KAT6A: variants seen among roughly 807,000 people sequenced by gnomAD.
The protein encoded by KAT6A is histone acetyltransferase KAT6A.
KAT6A carries 9 observed loss-of-function variants against 198.4 expected under a neutral mutation model. The ratio of observed to expected loss-of-function variants is 0.05; its 90% CI spans 0.03 to 0.08. The LOEUF is 0.08. KAT6A is among the 10% of genes least tolerant of loss of function. The probability of loss-of-function intolerance (pLI) is 1.00; values close to 1 mark genes in which losing one functional copy is unlikely to be tolerated. For missense variants in KAT6A, 2,077 were observed against 2,509.9 expected (o/e 0.83, Z 3.69); for synonymous variants, 890 against 883.0 (o/e 1.01, Z -0.14).
At position 41,981,961 on chromosome 8, in the gene KAT6A, C is replaced by T. The variant is rs768669265; in HGVS notation, c.710-7G>A. Reference sequence around the variant, plus strand: ...TTTAAACAGGATGGATGGCCTAATACGAGGGAGAACATTCATGAATGAAAC... The same window carrying T: ...TTTAAACAGGATGGATGGCCTAATATGAGGGAGAACATTCATGAATGAAAC... On this transcript the variant is annotated splice_polypyrimidine_tract_variant and splice_region_variant and intron_variant, in intron 3 of 16. Coordinates refer to ENST00000265713, the MANE Select transcript of KAT6A (RefSeq NM_006766.5). The T allele has an allele frequency of 1.5e-5, 22 of 1,492,888 alleles. No homozygotes were observed. The highest frequency in any genetic ancestry group is 6.7e-5 in the Admixed American group (4 of 59,660). 92.5% of individuals were successfully genotyped at this position (1,492,888 alleles called of 1,614,324 possible).
In KAT6A at chr8:41,941,441, C is replaced by T. The variant is rs765560535; in HGVS notation, c.2440G>A (p.Gly814Arg). 5 of 1,578,834 alleles carry T rather than the reference C, an allele frequency of 3.2e-6. No homozygotes were observed. The highest frequency in any genetic ancestry group is 1.9e-5 in the Admixed American group (1 of 53,896). Residue 814 changes from glycine (G) to arginine (R), a missense_variant, in exon 15 of 17, where the codon GGA becomes AGA. Physicochemically the swap from Gly to Arg is moderately radical, Grantham distance 125. Transcript: ENST00000265713. ...TTGTTCTCATGAGACACAGACTTTC[C>T]CACCTGATTTTAGAAAATAAAACAA... ...CQERELEISV[G>R]KSVSHENKEQ...
chr8:41,936,577 T>C (rs144170660), intron 16 of KAT6A, among the ~76,000 whole-genome samples: 48 of 152,360 alleles, frequency 3.2e-4, no homozygotes, highest in African/African-American at 1.1e-3. Flanking sequence ...CTGGCTCATA[T>C]ATATGAGACC....
rs1390617214 is a variant in KAT6A, at chr8:42,048,835, A to G, written c.143T>C (p.Leu48Ser). 1.2e-6 allele frequency: 2 copies of G among 1,614,190 alleles called. No homozygotes were observed. Among genetic ancestry groups the G allele is most frequent in the Non-Finnish European group, 1.7e-6 (2 of 1,180,018 alleles). The change falls in exon 2 of 17, where the codon TTA becomes TCA. Residue 48 changes from leucine to serine, a missense_variant. Around this residue, in one of 13 missense-constraint regions of KAT6A, gnomAD observed 35 missense variants for 76.6 expected, o/e 0.46. Coordinates refer to ENST00000265713, the MANE Select transcript of KAT6A (RefSeq NM_006766.5). ...TTTAACACTCAACTCCAATTGTTCT[A>G]AAACAGTTTTACGATCCAAGCCATG... ...SSHGLDRKTV[L>S]EQLELSVKDG...
intron 12 of KAT6A, among the ~76,000 whole-genome samples, chr8:41,945,618 T>C (rs981943697): frequency 3.3e-5 from 5 of 152,166 alleles, no homozygotes; most frequent in Non-Finnish European, 7.3e-5. Flanking sequence ...ACAATGTTTT[T>C]AGTATTATTA....
intron 8 of KAT6A, among the ~76,000 whole-genome samples, chr8:41,969,762 C>T (rs1207273441): frequency 6.6e-6 from 1 of 152,064 alleles, no homozygotes; most frequent in Non-Finnish European, 1.5e-5. Flanking sequence ...AGTCTATTTC[C>T]CCAGCTTCAC....
At chr8:41,936,599 T>C (rs1463573989) in intron 16 of KAT6A, among the ~76,000 whole-genome samples, 3 of 152,220 alleles carry the variant, frequency 2.0e-5, no homozygotes, top group Non-Finnish European at 4.4e-5. Flanking sequence ...AGTTTCAGTG[T>C]CTCTAGAGAA....
chr8:41,934,645 A>T lies in KAT6A; in HGVS notation c.3575T>A (p.Ile1192Asn), dbSNP rs776467428. 1 of 1,614,020 alleles carries T rather than the reference A, an allele frequency of 6.2e-7. No individual in the cohort carries two copies. The highest frequency in any genetic ancestry group is 8.5e-7 in the Non-Finnish European group (1 of 1,180,040). ...ACGTCCAGCTTTAGGAATGGAAACG[A>T]TGGGCTCAATGACGCATGCTTGAGT... ...VSTQACVIEP[I>N]VSIPKAGRKP... is the part of the protein sequence containing the mutation. The change falls in exon 17 of 17, where the codon ATC (isoleucine) becomes AAC (asparagine). Residue 1192 changes from isoleucine to asparagine, a missense_variant. Around this residue, in one of 13 missense-constraint regions of KAT6A, gnomAD observed 375 missense variants for 383.0 expected, o/e 0.98. Transcript: ENST00000265713.
At chr8:42,025,494 G>A (rs1326566389) in intron 2 of KAT6A, among the ~76,000 whole-genome samples, 4 of 152,154 alleles carry the variant, frequency 2.6e-5, no homozygotes, top group African/African-American at 9.7e-5. Flanking sequence ...GATTACAGGT[G>A]TGAGCCACTG....
chr8:41,942,595 T>C (rs1822194271), intron 14 of KAT6A, 198 bp downstream of exon 14: 1 of 621,192 alleles, frequency 1.6e-6, no homozygotes, highest in African/African-American at 1.8e-5. Flanking sequence ...GGTCTCCTCC[T>C]AATTGTCCAA....
chr8:42,032,011 G>A (rs929055919), intron 2 of KAT6A, among the ~76,000 whole-genome samples: 12 of 149,684 alleles, frequency 8.0e-5, no homozygotes, highest in African/African-American at 3.0e-4. Flanking sequence ...CTCACTGCAA[G>A]CTTCACCTCC....
chr8:42,021,201 TTA>T (rs754257804), intron 2 of KAT6A, among the ~76,000 whole-genome samples: 1 of 152,196 alleles, frequency 6.6e-6, no homozygotes, highest in Non-Finnish European at 1.5e-5. Context: ...ACAAATGGTT[TTA>T]TGTTATCTGT....
intron 3 of KAT6A, among the ~76,000 whole-genome samples, chr8:41,985,003 C>T (rs1412326939): frequency 2.0e-5 from 3 of 151,610 alleles, no homozygotes; most frequent in Admixed American, 6.6e-5. Context: ...AAAAAGTTAC[C>T]GCTACAGTAA....
chr8:41,961,675 C>G (rs1017406913), intron 8 of KAT6A, among the ~76,000 whole-genome samples: 1 of 151,292 alleles, frequency 6.6e-6, no homozygotes, highest in Non-Finnish European at 1.5e-5. Flanking sequence ...ATCCCTTGAA[C>G]CCGGGACGTG....
At chr8:42,007,327 T>C (rs1012429670) in intron 2 of KAT6A, among the ~76,000 whole-genome samples, 26 of 152,236 alleles carry the variant, frequency 1.7e-4, no homozygotes, top group African/African-American at 6.3e-4. Flanking sequence ...GGGAACTGAC[T>C]TAACCTGCCT....
intron 8 of KAT6A, among the ~76,000 whole-genome samples, chr8:41,969,601 C>T (rs1047649407): frequency 3.9e-5 from 6 of 152,190 alleles, no homozygotes; most frequent in Non-Finnish European, 5.9e-5. Context: ...TTCCCAGCTT[C>T]CACTCTTGCT....
chr8:42,025,710 C>T (rs756106160), intron 2 of KAT6A, among the ~76,000 whole-genome samples: 4 of 152,144 alleles, frequency 2.6e-5, no homozygotes, highest in Non-Finnish European at 5.9e-5. Flanking sequence ...CAGGTTGTCT[C>T]TTCATTCTGC....
At chr8:41,971,012 G>C (rs1823764754) in intron 8 of KAT6A, among the ~76,000 whole-genome samples, 1 of 151,436 alleles carries the variant, frequency 6.6e-6, no homozygotes, top group African/African-American at 2.4e-5. Context: ...TCATAGGTGG[G>C]AACTGAACAA....
intron 2 of KAT6A, among the ~76,000 whole-genome samples, chr8:42,039,018 A>G (rs546531467): frequency 5.3e-5 from 8 of 152,314 alleles, no homozygotes; most frequent in Admixed American, 1.3e-4. Flanking sequence ...ATACATGTAC[A>G]GGGCTGATGA....
At position 41,930,330 on chromosome 8, in the gene KAT6A, A is replaced by T; in HGVS notation, c.*1875T>A. ...GATGGCAGCACAGTGCACTTTCTAC[A>T]TAGATGACTGGGAACTGGAATAGTA... On this transcript the variant is annotated 3_prime_UTR_variant, in exon 17 of 17. Coordinates refer to ENST00000265713, the MANE Select transcript of KAT6A (RefSeq NM_006766.5). The T allele has an allele frequency of 4.4e-6, 1 of 226,216 alleles. No homozygotes were observed. Among genetic ancestry groups the T allele is most frequent in the East Asian group, 6.3e-5 (1 of 15,902 alleles). The allele number at this position is 226,216 out of a possible 1,614,324, so 14.0% of individuals were successfully genotyped here.
Sources: gnomAD v4.1 joint callset for allele counts (sites outside exome capture counted in the v4.1 genomes callset) on GRCh38, gnomAD v4.1.1 for gene constraint, gnomAD v4.1.1 regional missense constraint, MANE v1.5 for transcripts, NCBI Gene and HGNC (gene_info 2026-07-23, HGNC 2026-07-21) for gene names.